NRXN1: variants seen among roughly 807,000 people sequenced by gnomAD.
The protein encoded by NRXN1 is neurexin-1.
In NRXN1, 39 loss-of-function variants were observed where a neutral mutation model predicts 150.9. The ratio of observed to expected loss-of-function variants is 0.26; its 90% confidence interval spans 0.20 to 0.34. The LOEUF is 0.34. Ranked by LOEUF, NRXN1 falls within the 10% of genes least tolerant of loss-of-function variation. The pLI is 1.00. For missense variants in NRXN1, 1,815 were observed against 1,949.9 expected, an observed-to-expected ratio of 0.93 and a Z score of 1.30; for synonymous variants, 924 against 757.0, an observed-to-expected ratio of 1.22 and a Z score of -3.62.
chr2:50,688,089 G>A (rs1691517789), intron 5 of NRXN1, among the ~76,000 whole-genome samples: 1 of 152,146 alleles, frequency 6.6e-6, no homozygotes, highest in Non-Finnish European at 1.5e-5. Flanking sequence ...GTGAGATAGA[G>A]GTAATCTGGG....
chr2:50,635,557 C>T (rs557805149), intron 5 of NRXN1, among the ~76,000 whole-genome samples: 51 of 152,270 alleles, frequency 3.3e-4, no homozygotes, highest in African/African-American at 1.1e-3. Context: ...GCCAGCAAGT[C>T]TGATGCATAC....
At chr2:50,272,086 G>A (rs1268079710) in intron 17 of NRXN1, among the ~76,000 whole-genome samples, 2 of 152,166 alleles carry the variant, frequency 1.3e-5, no homozygotes, top group African/African-American at 4.8e-5. Flanking sequence ...ACAAATTGCA[G>A]GAGGGTCCCT....
chr2:50,350,209 A>G (rs2078310632), intron 17 of NRXN1, among the ~76,000 whole-genome samples: 1 of 152,192 alleles, frequency 6.6e-6, no homozygotes, highest in East Asian at 1.9e-4. Flanking sequence ...ATGTTGATTC[A>G]TCAACATTGA....
intron 5 of NRXN1, among the ~76,000 whole-genome samples, chr2:50,908,372 C>A (rs1386950554): frequency 6.6e-6 from 1 of 151,872 alleles, no homozygotes; most frequent in Admixed American, 6.6e-5. Context: ...TACACACACA[C>A]ACACACACAC....
chr2:50,998,057 C>A (rs1279927362), intron 2 of NRXN1, among the ~76,000 whole-genome samples: 1 of 141,412 alleles, frequency 7.1e-6, no homozygotes, highest in African/African-American at 3.0e-5. Flanking sequence ...TCAACAGCAG[C>A]AAGATGACGA....
In NRXN1 at chr2:50,902,436, T is replaced by C. The variant is rs192594618; in HGVS notation, c.832+19433A>G. Among the ~76,000 whole-genome samples the C allele has an allele frequency of 4.6e-5, 7 of 151,832 alleles. No individual in the cohort carries two copies. The East Asian group carries it at 1.2e-3, about 25-fold the overall frequency. On this transcript the variant is annotated intron_variant, in intron 5 of 22. Coordinates refer to ENST00000401669, the MANE Select transcript of NRXN1 (RefSeq NM_001330078.2). The stretch of plus-strand genomic sequence containing the variant: ...AATGTACTAGATCTACATAAAAAAA[T>C]TCTAAATGCAGGATTTTCATAACTC...
At position 50,909,376 on chromosome 2, in the gene NRXN1, T is replaced by A. The variant is rs186998903; in HGVS notation, c.832+12493A>T. 2.0e-5 allele frequency among the ~76,000 whole-genome samples: 3 copies of A among 152,208 alleles called. No homozygotes were observed. The East Asian group carries it at 5.8e-4, about 30-fold the overall frequency. On this transcript the variant is annotated intron_variant, in intron 5 of 22. Coordinates refer to ENST00000401669, the MANE Select transcript of NRXN1 (RefSeq NM_001330078.2). ...AGAGGAGTTTGTTTGAATAGGCATT[T>A]GGACTAGGAGACTTCTAAAGATTTT...
intron 5 of NRXN1, among the ~76,000 whole-genome samples, chr2:50,908,530 C>A (rs779695813): frequency 2.6e-5 from 4 of 151,898 alleles, no homozygotes; most frequent in Non-Finnish European, 4.4e-5. Flanking sequence ...GGTATCCTGA[C>A]AATTAGAGCA....
At chr2:50,063,176 T>C (rs960947881) in intron 19 of NRXN1, among the ~76,000 whole-genome samples, 17 of 152,184 alleles carry the variant, frequency 1.1e-4, no homozygotes, top group African/African-American at 4.1e-4. Flanking sequence ...ATGTGTATTG[T>C]TGTCATATAG....
rs756333917 is a variant in NRXN1, at chr2:50,321,588, G to T, written c.3365-84618C>A. Among the ~76,000 whole-genome samples, 50 of 152,138 alleles carry T rather than the reference G, an allele frequency of 3.3e-4. 1 individual carries two copies. The Middle Eastern group carries it at 0.02, about 62-fold the overall frequency. ...GAACATTTTTTTTTCCTAAGTAGCA[G>T]TACTTTTCGAGAAACGGAAGGTATT... On this transcript the variant is annotated intron_variant, in intron 17 of 22. Coordinates refer to ENST00000401669, the MANE Select transcript of NRXN1 (RefSeq NM_001330078.2).
chr2:50,834,440 A>G (rs1465043039), intron 5 of NRXN1, among the ~76,000 whole-genome samples: 1 of 152,148 alleles, frequency 6.6e-6, no homozygotes, highest in East Asian at 1.9e-4. Context: ...AACTGCTAGA[A>G]TTTCAGGAGG....
chr2:50,674,572 T>A (rs1026158170), intron 5 of NRXN1, among the ~76,000 whole-genome samples: 1 of 152,104 alleles, frequency 6.6e-6, no homozygotes, highest in African/African-American at 2.4e-5. Context: ...ACTGCGATAG[T>A]TCAGGTGGAA....
chr2:50,888,610 G>T (rs75882252), intron 5 of NRXN1, among the ~76,000 whole-genome samples: 5,813 of 151,476 alleles, frequency 0.038, 148 homozygotes, highest in Admixed American at 0.065. Context: ...AGAAAATCAT[G>T]AACTGCAATA....
At chr2:50,914,242 T>C (rs1216801646) in intron 5 of NRXN1, among the ~76,000 whole-genome samples, 1 of 151,632 alleles carries the variant, frequency 6.6e-6, no homozygotes, top group East Asian at 2.0e-4. Context: ...AATCAAAGGC[T>C]TTTGGGTGTT....
intron 17 of NRXN1, among the ~76,000 whole-genome samples, chr2:50,290,242 T>C (rs2072742998): frequency 1.3e-5 from 2 of 152,224 alleles, no homozygotes; most frequent in Admixed American, 1.3e-4. Context: ...AAAAGATTCA[T>C]GTGGCACTTA....
At position 50,667,675 on chromosome 2, in the gene NRXN1, G is replaced by C. The variant is rs148798585; in HGVS notation, c.833-44060C>G. On this transcript the variant is annotated intron_variant, in intron 5 of 22. Transcript: ENST00000401669. Reference sequence around the variant, plus strand: ...AGATCTCTAAGAAACGTTCTCTATTGTTTCCCTATTACAAAGTATATTTTC... The same window carrying C: ...AGATCTCTAAGAAACGTTCTCTATTCTTTCCCTATTACAAAGTATATTTTC... 3.2e-3 allele frequency among the ~76,000 whole-genome samples: 487 copies of C among 151,974 alleles called. 2 individuals carry two copies. Among genetic ancestry groups the C allele is most frequent in the African/African-American group, 0.011 (447 of 41,506 alleles).
At chr2:50,928,049 G>A in intron 2 of NRXN1, among the ~76,000 whole-genome samples, 1 of 151,872 alleles carries the variant, frequency 6.6e-6, no homozygotes, top group East Asian at 1.9e-4. Context: ...GTTTTGCCAT[G>A]GATCCTACTC....
At position 50,046,064 on chromosome 2, in the gene NRXN1, T is replaced by C. The variant is rs1343309922; in HGVS notation, c.4128+7207A>G. 3.3e-5 allele frequency among the ~76,000 whole-genome samples: 5 copies of C among 152,194 alleles called. No homozygotes were observed. In the East Asian group the frequency reaches 5.8e-4, roughly 18 times the overall value. ...ATTCAGTATCACACCATGAATTACCTTCTGTGTGTGACAACTGGGGAACAG... is the reference window on the plus strand; with the variant it reads ...ATTCAGTATCACACCATGAATTACCCTCTGTGTGTGACAACTGGGGAACAG... On this transcript the variant is annotated intron_variant, in intron 21 of 22. Transcript: ENST00000401669.
At chr2:50,163,164 G>GTGTATATATATATA (rs148512568) in intron 18 of NRXN1, among the ~76,000 whole-genome samples, 1 of 141,754 alleles carries the variant, frequency 7.1e-6, no homozygotes, top group African/African-American at 2.6e-5. Context: ...AATCCAAAAT[G>GTGTATATATATATA]TATATATATA....
Sources: allele counts gnomAD v4.1 joint callset (sites outside exome capture counted in the v4.1 genomes callset), GRCh38; gene constraint gnomAD v4.1.1; transcripts MANE v1.5; gene names NCBI Gene and HGNC (gene_info 2026-07-23, HGNC 2026-07-21).